The following RGL1 variants were observed in gnomAD, a reference collection of about 807,000 sequenced individuals.
RGL1 encodes ral guanine nucleotide dissociation stimulator-like 1.
In RGL1, 24 loss-of-function variants were observed where a neutral mutation model predicts 95.2. The observed-to-expected ratio is 0.25, with a 90% CI of 0.18 to 0.35. The LOEUF is 0.35. RGL1 is among the 10% of genes least tolerant of loss of function. The pLI, the probability that RGL1 is intolerant of heterozygous loss-of-function variation, is 1.00. For missense variants in RGL1, 715 were observed against 936.3 expected, an observed-to-expected ratio of 0.76 and a Z score of 3.08; for synonymous variants, 329 against 344.9, an observed-to-expected ratio of 0.95 and a Z score of 0.51.
At chr1:183,675,643 T>G (rs1310397923) in intron 1 of RGL1, among the ~76,000 whole-genome samples, 1 of 152,178 alleles carries the variant, frequency 6.6e-6, no homozygotes, top group Non-Finnish European at 1.5e-5. Context: ...TTGGGAAACT[T>G]CTGTGTCCTG....
intron 14 of RGL1, among the ~76,000 whole-genome samples, chr1:183,908,494 G>A (rs1668467383): frequency 6.6e-6 from 1 of 152,208 alleles, no homozygotes; most frequent in Non-Finnish European, 1.5e-5. Flanking sequence ...TGACTGTCCT[G>A]GCCCTGCGGA....
At chr1:183,752,441 G>C (rs1273250889) in intron 2 of RGL1, among the ~76,000 whole-genome samples, 2 of 152,110 alleles carry the variant, frequency 1.3e-5, no homozygotes, top group Admixed American at 1.3e-4. Context: ...TGGCCAGGAT[G>C]GTCTCGATCT....
intron 2 of RGL1, among the ~76,000 whole-genome samples, chr1:183,819,286 C>A (rs1349839957): frequency 6.6e-6 from 1 of 152,128 alleles, no homozygotes; most frequent in Admixed American, 6.5e-5. Flanking sequence ...ATGATGAGGC[C>A]TGTTACTCTG....
chr1:183,777,538 A>G (rs936773371), intron 2 of RGL1, among the ~76,000 whole-genome samples: 4 of 152,236 alleles, frequency 2.6e-5, no homozygotes, highest in Non-Finnish European at 4.4e-5. Context: ...ACAAGGTTTC[A>G]TAATGGAAAA....
At chr1:183,884,662 A>G in intron 6 of RGL1, 61 bp from the exon 7 acceptor site, 4 of 1,398,504 alleles carry the variant, frequency 2.9e-6, no homozygotes, top group Non-Finnish European at 3.0e-6. Context: ...GACCCAGATG[A>G]CATGCTTTGC....
intron 1 of RGL1, among the ~76,000 whole-genome samples, chr1:183,737,937 T>A (rs533614733): frequency 6.6e-6 from 1 of 152,332 alleles, no homozygotes; most frequent in East Asian, 1.9e-4. Flanking sequence ...AAATTAAAAA[T>A]TCTTCAAAAT....
At chr1:183,670,012 G>C (rs1345709073) in intron 1 of RGL1, among the ~76,000 whole-genome samples, 1 of 152,140 alleles carries the variant, frequency 6.6e-6, no homozygotes, top group African/African-American at 2.4e-5. Context: ...AATTCAAGGT[G>C]AGATTTGGGT....
At chr1:183,808,782 A>G in intron 2 of RGL1, among the ~76,000 whole-genome samples, 1 of 149,486 alleles carries the variant, frequency 6.7e-6, no homozygotes, top group African/African-American at 2.5e-5. Flanking sequence ...TTTTAACATG[A>G]GGAGACTAAT....
At chr1:183,794,135 C>T (rs1344230611) in intron 2 of RGL1, among the ~76,000 whole-genome samples, 2 of 151,532 alleles carry the variant, frequency 1.3e-5, no homozygotes, top group African/African-American at 4.9e-5. Context: ...CTGTTATTTG[C>T]AGCAATGTGG....
chr1:183,650,430 T>G (rs141962660), intron 1 of RGL1, among the ~76,000 whole-genome samples: 1 of 151,796 alleles, frequency 6.6e-6, no homozygotes, highest in East Asian at 1.9e-4. Flanking sequence ...GTAGTCCCAG[T>G]TACTCGGGAG....
intron 2 of RGL1, among the ~76,000 whole-genome samples, chr1:183,776,141 A>ATTTTTTTTTTTTTT (rs66738956): frequency 2.3e-5 from 2 of 88,800 alleles, no homozygotes; most frequent in African/African-American, 4.7e-5. Context: ...GGGAATACAG[A>ATTTTTTTTTTTTTT]TTTTTTTTTT....
chr1:183,885,343 C>A (rs1460409448), intron 7 of RGL1, among the ~76,000 whole-genome samples: 1 of 152,146 alleles, frequency 6.6e-6, no homozygotes, highest in Non-Finnish European at 1.5e-5. Context: ...TACCTATGCC[C>A]CCTCCCAGTA....
intron 1 of RGL1, among the ~76,000 whole-genome samples, chr1:183,714,331 G>A (rs1426247766): frequency 4.6e-5 from 7 of 152,150 alleles, no homozygotes; most frequent in African/African-American, 1.7e-4. Context: ...TTTTTGCAAG[G>A]TGGTCTATCT....
chr1:183,671,992 G>A (rs1033150181), intron 1 of RGL1, among the ~76,000 whole-genome samples: 1 of 151,060 alleles, frequency 6.6e-6, no homozygotes, highest in Non-Finnish European at 1.5e-5. Context: ...GAGTGCAGTG[G>A]CGCGATCTTG....
chr1:183,694,026 A>G (rs1028584633), intron 1 of RGL1, among the ~76,000 whole-genome samples: 1 of 152,208 alleles, frequency 6.6e-6, no homozygotes, highest in Non-Finnish European at 1.5e-5. Flanking sequence ...GCATGGCACA[A>G]CATGGCCTGT....
intron 1 of RGL1, among the ~76,000 whole-genome samples, chr1:183,736,525 C>A (rs1656951624): frequency 6.6e-6 from 1 of 152,098 alleles, no homozygotes; most frequent in South Asian, 2.1e-4. Context: ...CAATTCTGAA[C>A]CTTTGAGTAA....
At chr1:183,727,137 A>G (rs1036193613) in intron 1 of RGL1, among the ~76,000 whole-genome samples, 1 of 152,182 alleles carries the variant, frequency 6.6e-6, no homozygotes, top group Non-Finnish European at 1.5e-5. Context: ...TGAAAATGAA[A>G]TATATAAAAA....
chr1:183,791,028 CA>C (rs1310297608), intron 2 of RGL1, among the ~76,000 whole-genome samples: 1 of 151,992 alleles, frequency 6.6e-6, no homozygotes, highest in Non-Finnish European at 1.5e-5. Context: ...CTTTCTAGAG[CA>C]TTAGCTATTC....
intron 1 of RGL1, among the ~76,000 whole-genome samples, chr1:183,718,859 G>C (rs781305220): frequency 3.3e-5 from 5 of 152,046 alleles, no homozygotes; most frequent in Non-Finnish European, 7.4e-5. Flanking sequence ...GTTGCAGTGA[G>C]CCGAGATCTT....
Sources: allele counts gnomAD v4.1 joint callset (sites outside exome capture counted in the v4.1 genomes callset), GRCh38; gene constraint gnomAD v4.1.1; transcripts MANE v1.5; gene names NCBI Gene and HGNC (gene_info 2026-07-23, HGNC 2026-07-21).